The following CALCRL variants were observed in gnomAD, a reference collection of about 807,000 sequenced individuals.
The protein encoded by CALCRL is calcitonin gene-related peptide type 1 receptor.
CALCRL carries 27 observed loss-of-function variants against 60.4 expected under a neutral mutation model. The ratio of observed to expected loss-of-function variants is 0.45; its 90% confidence interval spans 0.33 to 0.62. The LOEUF is 0.62. CALCRL is among the 20% of genes least tolerant of loss of function. The pLI is 0.03. For missense variants in CALCRL, 424 were observed against 540.7 expected (o/e 0.78, Z 2.14); for synonymous variants, 190 against 182.6 (o/e 1.04, Z -0.33).
chr2:187,413,963 A>T (rs1689475804), intron 1 of CALCRL, among the ~76,000 whole-genome samples: 1 of 152,152 alleles, frequency 6.6e-6, no homozygotes, highest in Admixed American at 6.5e-5. Context: ...CAATATCTAC[A>T]TAAATAAAAT....
intron 8 of CALCRL, among the ~76,000 whole-genome samples, chr2:187,369,381 T>A (rs547104087): frequency 2.0e-4 from 31 of 152,246 alleles, no homozygotes; most frequent in African/African-American, 7.2e-4. Context: ...CAGCCACGAT[T>A]TTTGAAACCC....
At chr2:187,434,790 T>C (rs181964256) in intron 1 of CALCRL, among the ~76,000 whole-genome samples, 88 of 152,294 alleles carry the variant, frequency 5.8e-4, no homozygotes, top group African/African-American at 1.9e-3. Context: ...ACCACAGCTA[T>C]ACCCATTAAC....
intron 1 of CALCRL, among the ~76,000 whole-genome samples, chr2:187,443,388 T>A (rs1691017905): frequency 6.6e-6 from 1 of 151,810 alleles, no homozygotes; most frequent in South Asian, 2.1e-4. Context: ...ATTCATGGAT[T>A]ACTTACAAAA....
intron 1 of CALCRL, among the ~76,000 whole-genome samples, chr2:187,432,046 A>C (rs1043148601): frequency 1.3e-5 from 2 of 152,144 alleles, no homozygotes; most frequent in East Asian, 3.9e-4. Context: ...CAAAGTACAG[A>C]AAGAGAGTCA....
At chr2:187,413,276 A>T (rs997611413) in intron 1 of CALCRL, among the ~76,000 whole-genome samples, 3 of 151,920 alleles carry the variant, frequency 2.0e-5, no homozygotes, top group Non-Finnish European at 4.4e-5. Flanking sequence ...TGAACATCAC[A>T]TGGGCATAGC....
intron 1 of CALCRL, among the ~76,000 whole-genome samples, chr2:187,447,393 G>A (rs1298532803): frequency 1.3e-5 from 2 of 150,230 alleles, no homozygotes; most frequent in East Asian, 3.9e-4. Context: ...CTTTGTAGCC[G>A]ACACCATGAT....
chr2:187,381,099 A>C (rs573580424), intron 5 of CALCRL, among the ~76,000 whole-genome samples: 2 of 152,298 alleles, frequency 1.3e-5, no homozygotes, highest in South Asian at 2.1e-4. Context: ...GCCATAATGT[A>C]GTGATTAGCG....
At chr2:187,437,725 A>G (rs1421697575) in intron 1 of CALCRL, among the ~76,000 whole-genome samples, 1 of 152,176 alleles carries the variant, frequency 6.6e-6, no homozygotes, top group African/African-American at 2.4e-5. Context: ...GTATCAAATA[A>G]AGTCAGAAAG....
intron 1 of CALCRL, among the ~76,000 whole-genome samples, chr2:187,435,372 T>G (rs1559078758): frequency 6.6e-6 from 1 of 152,154 alleles, no homozygotes; most frequent in South Asian, 2.1e-4. Context: ...AAGCGAGAAC[T>G]CACTTATCAC....
At chr2:187,420,767 T>C (rs1224415579) in intron 1 of CALCRL, among the ~76,000 whole-genome samples, 2 of 152,196 alleles carry the variant, frequency 1.3e-5, no homozygotes, top group African/African-American at 4.8e-5. Flanking sequence ...ATTTTTAATA[T>C]CTAGTCTTGG....
chr2:187,404,391 A>G (rs1409482332), intron 1 of CALCRL, among the ~76,000 whole-genome samples: 3 of 151,978 alleles, frequency 2.0e-5, no homozygotes, highest in Non-Finnish European at 4.4e-5. Flanking sequence ...TTGTTTTCCT[A>G]ACAAAGAGAA....
intron 1 of CALCRL, among the ~76,000 whole-genome samples, chr2:187,392,974 C>G (rs1331119960): frequency 6.6e-6 from 1 of 152,076 alleles, no homozygotes; most frequent in Non-Finnish European, 1.5e-5. Context: ...GTTAGTGAAA[C>G]AAAACATAAA....
At chr2:187,371,748 A>T (rs1333534652) in intron 8 of CALCRL, among the ~76,000 whole-genome samples, 1 of 151,942 alleles carries the variant, frequency 6.6e-6, no homozygotes, top group East Asian at 1.9e-4. Context: ...TTTTTTAAAG[A>T]AAAGATTAAT....
chr2:187,352,064 A>C, intron 13 of CALCRL, 50 bp downstream of exon 13: 6 of 1,557,032 alleles, frequency 3.9e-6, no homozygotes, highest in Non-Finnish European at 5.3e-6. Context: ...AGCTATATGT[A>C]TATTTAATTC....
chr2:187,388,343 A>G (rs2105796099), intron 1 of CALCRL, among the ~76,000 whole-genome samples: 1 of 152,250 alleles, frequency 6.6e-6, no homozygotes, highest in African/African-American at 2.4e-5. Flanking sequence ...GAAGAGTTGA[A>G]AATAGTTAAC....
At chr2:187,426,450 A>G (rs1386756063) in intron 1 of CALCRL, among the ~76,000 whole-genome samples, 2 of 152,034 alleles carry the variant, frequency 1.3e-5, no homozygotes, top group African/African-American at 4.8e-5. Flanking sequence ...AACTTTTATA[A>G]AAAATAATGG....
chr2:187,365,397 T>A (rs1352286084), intron 8 of CALCRL, among the ~76,000 whole-genome samples: 1 of 152,152 alleles, frequency 6.6e-6, no homozygotes, highest in African/African-American at 2.4e-5. Flanking sequence ...CCAAGTATTG[T>A]TTAGAGAGAG....
At chr2:187,364,166 C>A (rs1484701167) in intron 8 of CALCRL, among the ~76,000 whole-genome samples, 3 of 124,562 alleles carry the variant, frequency 2.4e-5, no homozygotes, top group African/African-American at 8.8e-5. Flanking sequence ...AGAGAGTTCA[C>A]TGTGTGGAGT....
chr2:187,362,863 T>G (rs1687115831), intron 9 of CALCRL, among the ~76,000 whole-genome samples: 1 of 152,120 alleles, frequency 6.6e-6, no homozygotes, highest in African/African-American at 2.4e-5. Context: ...CAATTCATTC[T>G]TTTCCTGGTT....
Sources: gnomAD v4.1 joint callset for allele counts (sites outside exome capture counted in the v4.1 genomes callset) on GRCh38, gnomAD v4.1.1 for gene constraint, MANE v1.5 for transcripts, NCBI Gene and HGNC (gene_info 2026-07-23, HGNC 2026-07-21) for gene names.